The following CD109 variants were observed in gnomAD, a reference collection of about 807,000 sequenced individuals.
CD109 encodes the protein CD109 molecule.
CD109 carries 149 observed loss-of-function variants against 165.8 expected under a neutral mutation model. That is an observed-to-expected ratio of 0.90 (90% confidence interval 0.79 to 1.03). CD109 has a LOEUF of 1.03. Ranked by LOEUF, CD109 falls within the 50% of genes least tolerant of loss-of-function variation. CD109 has a pLI of 0.00. For synonymous variants in CD109, 585 were observed against 592.1 expected, an observed-to-expected ratio of 0.99 and a Z score of 0.18; for missense variants, 1,712 against 1,677.8, an observed-to-expected ratio of 1.02 and a Z score of -0.36.
intron 19 of CD109, among the ~76,000 whole-genome samples, chr6:73,784,046 A>G (rs1431660386): frequency 2.0e-5 from 3 of 152,220 alleles, no homozygotes; most frequent in Non-Finnish European, 4.4e-5. Context: ...AGATTTGGGT[A>G]GAAAAGTTTA....
intron 3 of CD109, among the ~76,000 whole-genome samples, chr6:73,728,061 G>T (rs914140835): frequency 5.3e-5 from 8 of 152,088 alleles, no homozygotes; most frequent in African/African-American, 1.9e-4. Context: ...TGGCTCACAT[G>T]TATAATCCCA....
Position 73,762,458 on chromosome 6 carries a change from A to C in CD109, c.833A>C (p.Lys278Thr), listed in dbSNP as rs1402158837. The change falls in exon 8 of 33, where the codon AAA becomes ACA. Residue 278 changes from lysine (K) to threonine (T), a missense_variant. Coordinates refer to ENST00000287097, the MANE Select transcript of CD109 (RefSeq NM_133493.5). ...FLPLSFWGKKKNITKTFKING... is the reference protein window; with the variant it reads ...FLPLSFWGKKTNITKTFKING... ...CCTTTATCCTTTTGGGGAAAGAAGA[A>C]AAATATTACAAAAACATTTAAGGTA... The C allele has an allele frequency of 6.2e-7, 1 of 1,605,562 alleles. No individual in the cohort carries two copies. Among genetic ancestry groups the C allele is most frequent in the Non-Finnish European group, 8.5e-7 (1 of 1,172,774 alleles).
At chr6:73,749,420 A>G (rs1448224070) in intron 5 of CD109, among the ~76,000 whole-genome samples, 1 of 152,154 alleles carries the variant, frequency 6.6e-6, no homozygotes, top group Non-Finnish European at 1.5e-5. Context: ...GCTGGCTGAC[A>G]GGGCTGTGGG....
chr6:73,801,221 A>G (rs1192586965), intron 23 of CD109, among the ~76,000 whole-genome samples: 1 of 152,228 alleles, frequency 6.6e-6, no homozygotes, highest in Non-Finnish European at 1.5e-5. Flanking sequence ...TAGCTGTGTG[A>G]CCATGCACAT....
intron 5 of CD109, among the ~76,000 whole-genome samples, chr6:73,750,622 G>C (rs4708079): frequency 1 from 152,029 of 152,310 alleles, 75,874 homozygotes; most frequent in Non-Finnish European, 1. Flanking sequence ...GTAATGTAGG[G>C]TAATGTATAT....
chr6:73,780,897 AGT>A lies in CD109; in HGVS notation c.1903-351_1903-350del, dbSNP rs10629004. On this transcript the variant is annotated intron_variant, in intron 16 of 32. Transcript: ENST00000287097. ...GACTTTGAAATGGCTCTTATGCATG[AGT>A]GTGTGTGTGTATGTGTGTGTGTGTA... Among the ~76,000 whole-genome samples the A allele has an allele frequency of 3.6e-5, 2 of 56,304 alleles. 1 individual carries two copies. The highest frequency in any genetic ancestry group is 1.7e-4 in the African/African-American group (2 of 11,472). The allele number at this position is 56,304 out of a possible 152,430, so 36.9% of individuals were successfully genotyped here. A position where few individuals can be genotyped will look rare whatever the true frequency, so the allele number is the denominator to read the frequency against.
At chr6:73,819,313 G>T (rs900306108) in intron 31 of CD109, among the ~76,000 whole-genome samples, 1 of 152,178 alleles carries the variant, frequency 6.6e-6, no homozygotes, top group Non-Finnish European at 1.5e-5. Flanking sequence ...TTCCATTGCT[G>T]AATGAGTACT....
intron 8 of CD109, 79 bp downstream of exon 8, chr6:73,762,559 T>A: frequency 9.3e-7 from 1 of 1,076,424 alleles, no homozygotes; most frequent in Admixed American, 2.4e-5. Flanking sequence ...AGTACTGAAT[T>A]AACAAAAAGT....
the CD109 span, among the ~76,000 whole-genome samples, chr6:73,686,413 C>T: frequency 6.8e-4 from 104 of 152,288 alleles, no homozygotes; most frequent in African/African-American, 2.3e-3. Context: ...ATGTTTAATA[C>T]GTTCCTTCAC....
chr6:73,707,813 A>C (rs866976349), intron 2 of CD109, among the ~76,000 whole-genome samples: 22 of 152,082 alleles, frequency 1.4e-4, no homozygotes, highest in African/African-American at 5.1e-4. Flanking sequence ...TATTTTGGAC[A>C]TATTGAGTTA....
chr6:73,724,305 A>C, intron 3 of CD109, among the ~76,000 whole-genome samples: 1 of 152,212 alleles, frequency 6.6e-6, no homozygotes, highest in East Asian at 1.9e-4. Context: ...GAAGTGTTGT[A>C]GCACTTGCTA....
At chr6:73,727,045 C>T (rs140490461) in intron 3 of CD109, among the ~76,000 whole-genome samples, 92 of 152,132 alleles carry the variant, frequency 6.0e-4, no homozygotes, top group African/African-American at 1.5e-3. Context: ...GGCCCCAAGA[C>T]GGCAGAAGGC....
At chr6:73,814,182 G>A (rs1237103184) in intron 29 of CD109, among the ~76,000 whole-genome samples, 3 of 152,062 alleles carry the variant, frequency 2.0e-5, no homozygotes, top group East Asian at 3.8e-4. Context: ...GTGTGTGCAC[G>A]TGTGCATATG....
chr6:73,720,232 G>A (rs1327907478), intron 2 of CD109, among the ~76,000 whole-genome samples: 2 of 152,010 alleles, frequency 1.3e-5, no homozygotes, highest in East Asian at 1.9e-4. Flanking sequence ...TGAACTTGGA[G>A]GACATTATGT....
intron 5 of CD109, among the ~76,000 whole-genome samples, chr6:73,748,988 GA>G (rs1773083954): frequency 6.6e-6 from 1 of 152,132 alleles, no homozygotes; most frequent in Admixed American, 6.5e-5. Context: ...TAAAAGAGGG[GA>G]AAAATAGGGT....
chr6:73,777,282 T>TAA (rs1353088903), intron 15 of CD109, among the ~76,000 whole-genome samples: 17 of 138,008 alleles, frequency 1.2e-4, no homozygotes, highest in Non-Finnish European at 2.1e-4. Flanking sequence ...TAAAAAAATT[T>TAA]TTTTTTTCTT....
At chr6:73,748,005 G>A (rs1210766005) in intron 5 of CD109, among the ~76,000 whole-genome samples, 1 of 151,986 alleles carries the variant, frequency 6.6e-6, no homozygotes, top group African/African-American at 2.4e-5. Flanking sequence ...GAGTAGCTGG[G>A]AGTACAGGCG....
intron 9 of CD109, 25 bp from the exon 10 acceptor site, chr6:73,763,551 C>T: frequency 7.6e-7 from 1 of 1,322,102 alleles, no homozygotes; most frequent in Non-Finnish European, 1.1e-6. Flanking sequence ...CTTTTGCTTT[C>T]TAAATTGTGC....
chr6:73,712,724 C>T (rs939179387), intron 2 of CD109, among the ~76,000 whole-genome samples: 12 of 152,272 alleles, frequency 7.9e-5, no homozygotes, highest in African/African-American at 2.2e-4. Context: ...GTGCCAAATG[C>T]GAAGCCTTCA....
Sources: allele counts gnomAD v4.1 joint callset (sites outside exome capture counted in the v4.1 genomes callset), GRCh38; gene constraint gnomAD v4.1.1; transcripts MANE v1.5; gene names NCBI Gene and HGNC (gene_info 2026-07-23, HGNC 2026-07-21).